The following CHRNA2 variants were observed in gnomAD, a reference collection of about 807,000 sequenced individuals.
CHRNA2 encodes the protein neuronal acetylcholine receptor subunit alpha-2.
Under a neutral mutation model 45.5 loss-of-function variants are expected in CHRNA2, and 40 were observed. That is an observed-to-expected ratio of 0.88 (90% confidence interval 0.68 to 1.15). The LOEUF is 1.15. CHRNA2 is among the 50% of genes most tolerant of loss of function. CHRNA2 has a pLI of 0.00. For synonymous variants in CHRNA2, 301 were observed against 296.7 expected, an observed-to-expected ratio of 1.01 and a Z score of -0.15; for missense variants, 655 against 701.7, an observed-to-expected ratio of 0.93 and a Z score of 0.75.
chr8:27,464,145 G>T, intron 5 of CHRNA2, 152 bp from the exon 6 acceptor site: 1 of 807,744 alleles, frequency 1.2e-6, no homozygotes, highest in Non-Finnish European at 2.1e-6. Flanking sequence ...AGTCTCCCCC[G>T]GCATGCACAT....
intron 2 of CHRNA2, among the ~76,000 whole-genome samples, chr8:27,470,263 A>C (rs1812836539): frequency 6.6e-6 from 1 of 152,192 alleles, no homozygotes; most frequent in Admixed American, 6.5e-5. Flanking sequence ...GACAAGATTC[A>C]GCCCCATATG....
Position 27,477,801 on chromosome 8 carries a change from G to A in CHRNA2, c.-137+1023C>T, listed in dbSNP as rs565274693. Among the ~76,000 whole-genome samples the A allele has an allele frequency of 1.4e-3, 218 of 152,242 alleles. 1 individual carries two copies. Among genetic ancestry groups the A allele is most frequent in the Non-Finnish European group, 2.1e-3 (145 of 67,998 alleles). On this transcript the variant is annotated intron_variant, in intron 1 of 6. Transcript: ENST00000407991. ...GTCCCTAATTGTAAAGTGGGTCTGG[G>A]TGAATGGGGTACACAGAGAAGCCTA...
At chr8:27,462,951 G>C (rs775416090) in intron 6 of CHRNA2, 28 bp downstream of exon 6, 3 of 1,613,768 alleles carry the variant, frequency 1.9e-6, no homozygotes, top group Non-Finnish European at 2.5e-6. Flanking sequence ...GGCCACCCAG[G>C]CTGGCGCCTC....
chr8:27,470,151 G>C, intron 2 of CHRNA2, 170 bp from the exon 3 acceptor site: 1 of 703,872 alleles, frequency 1.4e-6, no homozygotes. Flanking sequence ...GCTCAGGAAA[G>C]GTCAGCTGTT....
At chr8:27,467,623 C>A in intron 4 of CHRNA2, 1 of 413,346 alleles carries the variant, frequency 2.4e-6, no homozygotes, top group Non-Finnish European at 4.5e-6. Context: ...CCTGGCTGGA[C>A]GACCTTGGTG....
Position 27,463,790 on chromosome 8 carries a change from T to C in CHRNA2, c.653A>G (p.Gln218Arg), listed in dbSNP as rs377660408. Reference sequence around the variant, plus strand: ...CCAGTAGTCCTTCAGGTCCACAGTCTGCTCCATCTGCTCCAGGTCGATCTT... The same window carrying C: ...CCAGTAGTCCTTCAGGTCCACAGTCCGCTCCATCTGCTCCAGGTCGATCTT... ...KAKIDLEQME[Q>R]TVDLKDYWES... The change falls in exon 6 of 7, where the codon CAG (glutamine) becomes CGG (arginine). Residue 218 changes from glutamine to arginine, a missense_variant. Gln to Arg is a conservative substitution (Grantham distance 43, BLOSUM62 1). Transcript: ENST00000407991. This position sits in a 1 kb window ranked among gnomAD's most constrained non-coding sequence, Gnocchi z 6.1. 9 of 1,614,176 alleles carry C rather than the reference T, an allele frequency of 5.6e-6. No homozygotes were observed. Among genetic ancestry groups the C allele is most frequent in the Non-Finnish European group, 7.6e-6 (9 of 1,180,024 alleles).
chr8:27,464,735 A>T (rs1812644282), intron 5 of CHRNA2, among the ~76,000 whole-genome samples: 1 of 152,184 alleles, frequency 6.6e-6, no homozygotes, highest in South Asian at 2.1e-4. Context: ...TGCTCAGAAG[A>T]GACCTAACAC....
Position 27,463,363 on chromosome 8 carries a change from G to T in CHRNA2, c.1080C>A (p.His360Gln). 1 of 1,614,054 alleles carries T rather than the reference G, an allele frequency of 6.2e-7. No individual in the cohort carries two copies. Among genetic ancestry groups the T allele is most frequent in the Non-Finnish European group, 8.5e-7 (1 of 1,180,042 alleles). Residue 360 changes from histidine to glutamine, a missense_variant, in exon 6 of 7, where the codon CAC becomes CAA. Transcript: ENST00000407991. The surrounding 1 kb of genome is among the most constrained non-coding windows in gnomAD (Gnocchi z 6.1). ...LNVHHRSPST[H>Q]TMPHWVRGAL... is the part of the protein sequence containing the mutation. ...CCCCCCGCACCCAGTGGGGCATGGT[G>T]TGGGTGCTGGGGGAGCGGTGGTGCA...
intron 1 of CHRNA2, among the ~76,000 whole-genome samples, chr8:27,477,741 T>A (rs1813103077): frequency 6.6e-6 from 1 of 151,962 alleles, no homozygotes; most frequent in Admixed American, 6.6e-5. Flanking sequence ...GTGGCTGGAT[T>A]GGCAGATTTG....
At chr8:27,461,838 G>T in intron 6 of CHRNA2, 84 bp from the exon 7 acceptor site, 1 of 1,594,416 alleles carries the variant, frequency 6.3e-7, no homozygotes, top group Non-Finnish European at 8.6e-7. Flanking sequence ...TGCACAGGCG[G>T]CCACTGGGGG....
rs370964466 is a variant in CHRNA2 at position 27,463,241 on chromosome 8, T to C, written c.1202A>G (p.Tyr401Cys). 24 of 1,595,290 alleles carry C rather than the reference T, an allele frequency of 1.5e-5. No homozygotes were observed. In the African/African-American group the frequency reaches 2.8e-4, roughly 19 times the overall value. The change falls in exon 6 of 7, where the codon TAT (tyrosine) becomes TGT (cysteine). Residue 401 changes from tyrosine (Y) to cysteine (C), a missense_variant. Physicochemically the swap from Tyr to Cys is radical, Grantham distance 194 (BLOSUM62 -2). This residue lies in a region of CHRNA2 where 295 missense variants were observed against 280.4 expected (regional missense o/e 1.05). Coordinates refer to ENST00000407991, the MANE Select transcript of CHRNA2 (RefSeq NM_000742.4). The surrounding 1 kb of genome is among the most constrained non-coding windows in gnomAD (Gnocchi z 6.1). ...ATCCACGTTGCTCTCCAGCCAGTGATAAGAGGGGCTGAGCTTCAGGCGTAG... is the reference window on the plus strand; with the variant it reads ...ATCCACGTTGCTCTCCAGCCAGTGACAAGAGGGGCTGAGCTTCAGGCGTAG... Reference protein sequence around the residue: ...HPLRLKLSPSYHWLESNVDAE... With the variant: ...HPLRLKLSPSCHWLESNVDAE...
rs762847144 is a variant in CHRNA2 at position 27,469,831 on chromosome 8, C to T, written c.224G>A (p.Arg75His). The change falls in exon 3 of 7, where the codon CGC (arginine) becomes CAC (histidine). Residue 75 changes from arginine (R) to histidine (H), a missense_variant. Physicochemically the swap from Arg to His is conservative, Grantham distance 29 (BLOSUM62 0). Transcript: ENST00000407991. Reference sequence around the variant, plus strand: ...CACGTCTGAAGTGTTGGGCACCGGGCGCGCCCAGCGGTTGTAGCCCCGGAA... The same window carrying T: ...CACGTCTGAAGTGTTGGGCACCGGGTGCGCCCAGCGGTTGTAGCCCCGGAA... ...HLFRGYNRWA[R>H]PVPNTSDVVI... is the part of the protein sequence containing the mutation. The T allele has an allele frequency of 6.2e-6, 10 of 1,614,136 alleles. No homozygotes were observed. Among genetic ancestry groups the T allele is most frequent in the Non-Finnish European group, 8.5e-6 (10 of 1,180,038 alleles).
At position 27,461,671 on chromosome 8, in the gene CHRNA2, G is replaced by A. The variant is rs1812492658; in HGVS notation, c.1548C>T (p.Thr516=). The change falls in exon 7 of 7, where the codon ACC becomes ACT. Residue 516 remains threonine, a synonymous_variant. Transcript: ENST00000407991. The part of the protein sequence containing the change: ...WLFIIVCFLG[T]IGLFLPPFLA... ...GGAACGGAGGCAGAAAGAGGCCGAT[G>A]GTCCCCAGGAAGCAGACGATGATAA... is the stretch of plus-strand genomic sequence containing the variant. The A allele has an allele frequency of 6.2e-7, 1 of 1,614,228 alleles. No individual in the cohort carries two copies. Among genetic ancestry groups the A allele is most frequent in the Non-Finnish European group, 8.5e-7 (1 of 1,180,034 alleles).
rs1256379129 is a variant in CHRNA2 at position 27,469,313 on chromosome 8, A to G, written c.339+22T>C. ...TGGATTCCCGGTACCCGCCACCTGG[A>G]CTGGAGGAGGGGGGCCCTCACCTGT... is the stretch of plus-strand genomic sequence containing the variant. On this transcript the variant is annotated intron_variant, in intron 4 of 6. Transcript: ENST00000407991. 8 of 1,517,850 alleles carry G rather than the reference A, an allele frequency of 5.3e-6. No individual in the cohort carries two copies. The African/African-American group carries it at 1.1e-4, about 21-fold the overall frequency. 94.0% of individuals were successfully genotyped at this position (1,517,850 alleles called of 1,614,324 possible).
rs1435784697 is a variant in CHRNA2, at chr8:27,460,526, G to C, written c.*1103C>G. On this transcript the variant is annotated 3_prime_UTR_variant, in exon 7 of 7. Coordinates refer to ENST00000407991, the MANE Select transcript of CHRNA2 (RefSeq NM_000742.4). ...CCCCACTCACCCGGCGCTGTGCTAG[G>C]TGCTGGGGGTGGGAAAAATAACAGG... The C allele has an allele frequency of 6.6e-6, 1 of 152,222 alleles. No homozygotes were observed. Among genetic ancestry groups the C allele is most frequent in the Non-Finnish European group, 1.5e-5 (1 of 68,072 alleles). The allele number at this position is 152,222 out of a possible 1,614,324, so 9.4% of individuals were successfully genotyped here.
chr8:27,477,393 C>A (rs527685012), intron 1 of CHRNA2, among the ~76,000 whole-genome samples: 1 of 152,286 alleles, frequency 6.6e-6, no homozygotes, highest in East Asian at 1.9e-4. Context: ...CACCTTTTAA[C>A]CAAGTGCATT....
intron 4 of CHRNA2, 47 bp from the exon 5 acceptor site, chr8:27,467,385 C>T: frequency 6.8e-7 from 1 of 1,481,206 alleles, no homozygotes; most frequent in East Asian, 2.3e-5. Flanking sequence ...CAGGGAGCAG[C>T]CTAGGGCAAA....
In CHRNA2 at chr8:27,461,577, T is replaced by C; in HGVS notation, c.*52A>G. 1 of 1,612,294 alleles carries C rather than the reference T, an allele frequency of 6.2e-7. No homozygotes were observed. Among genetic ancestry groups the C allele is most frequent in the Non-Finnish European group, 8.5e-7 (1 of 1,178,798 alleles). On this transcript the variant is annotated 3_prime_UTR_variant, in exon 7 of 7. Transcript: ENST00000407991. ...CCAGAGGCAGCTGTAGCAGAGACGG[T>C]CAAAAGATGGTCAGCGGGGGTGCCC...
At chr8:27,462,904 CACT>C in intron 6 of CHRNA2, 72 bp downstream of exon 6, 1 of 1,594,090 alleles carries the variant, frequency 6.3e-7, no homozygotes. Flanking sequence ...CCCAAGCTCA[CACT>C]CTGCGGTAAG....
Sources: allele counts gnomAD v4.1 joint callset (sites outside exome capture counted in the v4.1 genomes callset), GRCh38; gene constraint gnomAD v4.1.1; regional missense constraint gnomAD v4.1.1; non-coding constraint Gnocchi (gnomAD v3.1); transcripts MANE v1.5; gene names NCBI Gene and HGNC (gene_info 2026-07-23, HGNC 2026-07-21).